The following GRIN2A variants were observed in gnomAD, a reference collection of about 807,000 sequenced individuals.
GRIN2A encodes the protein glutamate ionotropic receptor NMDA type subunit 2A, also known as glutamate receptor ionotropic, NMDA 2A.
Under a neutral mutation model 113.4 loss-of-function variants are expected in GRIN2A, and 22 were observed. The ratio of observed to expected loss-of-function variants is 0.19; its 90% CI spans 0.14 to 0.28. GRIN2A has a LOEUF of 0.28. GRIN2A is among the 10% of genes least tolerant of loss of function. GRIN2A has a pLI of 1.00. For missense variants in GRIN2A, 1,502 were observed against 1,887.0 expected (o/e 0.80, Z 3.78); for synonymous variants, 827 against 738.4 (o/e 1.12, Z -1.94).
chr16:10,056,146 T>G (rs941411026), intron 2 of GRIN2A, among the ~76,000 whole-genome samples: 14 of 152,234 alleles, frequency 9.2e-5, no homozygotes, highest in Non-Finnish European at 1.5e-4. Context: ...CTAAATGCAG[T>G]GTCATACTAA....
intron 2 of GRIN2A, among the ~76,000 whole-genome samples, chr16:10,047,399 C>T (rs1017247122): frequency 2.0e-5 from 3 of 152,164 alleles, no homozygotes; most frequent in African/African-American, 4.8e-5. Flanking sequence ...TGCAAAACAC[C>T]TAACAAAGTG....
chr16:10,168,244 GC>G, intron 2 of GRIN2A, among the ~76,000 whole-genome samples: 1 of 152,272 alleles, frequency 6.6e-6, no homozygotes, highest in African/African-American at 2.4e-5. Flanking sequence ...TAGGTTGTCT[GC>G]TTTTCAAATA....
At chr16:10,144,689 C>T (rs183745772) in intron 2 of GRIN2A, among the ~76,000 whole-genome samples, 13 of 152,028 alleles carry the variant, frequency 8.6e-5, no homozygotes, top group East Asian at 1.9e-4. Flanking sequence ...AGCCAAGATA[C>T]GGAAATAACC....
intron 2 of GRIN2A, among the ~76,000 whole-genome samples, chr16:9,968,987 T>C (rs1402009128): frequency 6.6e-6 from 1 of 152,186 alleles, no homozygotes; most frequent in Admixed American, 6.5e-5. Flanking sequence ...CACTATATTA[T>C]CATTTTAATG....
At chr16:10,032,051 C>T (rs2141928121) in intron 2 of GRIN2A, among the ~76,000 whole-genome samples, 1 of 152,346 alleles carries the variant, frequency 6.6e-6, no homozygotes, top group African/African-American at 2.4e-5. Context: ...TATTACAGCG[C>T]ATCGTATTTA....
rs2044849852 is a variant in GRIN2A at position 9,940,659 on chromosome 16, T to A, written c.415-2108A>T. ...AAATGGAAAGAATGGGAATTCAGTATCTGAGATTGTATTTTGTGTGGATTC... is the reference window on the plus strand; with the variant it reads ...AAATGGAAAGAATGGGAATTCAGTAACTGAGATTGTATTTTGTGTGGATTC... On this transcript the variant is annotated intron_variant, in intron 2 of 12. Transcript: ENST00000330684. Among the ~76,000 whole-genome samples the A allele has an allele frequency of 2.6e-5, 4 of 152,182 alleles. No homozygotes were observed. The South Asian group carries it at 8.3e-4, about 32-fold the overall frequency.
At chr16:9,765,728 T>C (rs143395230) in intron 12 of GRIN2A, among the ~76,000 whole-genome samples, 5 of 152,324 alleles carry the variant, frequency 3.3e-5, no homozygotes, top group African/African-American at 1.2e-4. Context: ...CTTAATCGAC[T>C]CAATCTATTC....
chr16:10,144,310 C>T (rs2049387104), intron 2 of GRIN2A, among the ~76,000 whole-genome samples: 1 of 152,186 alleles, frequency 6.6e-6, no homozygotes, highest in Non-Finnish European at 1.5e-5. Context: ...TCCTTGCCAA[C>T]ACTTGTTATC....
chr16:10,077,103 C>G lies in GRIN2A; in HGVS notation c.414+102895G>C, dbSNP rs573188704. On this transcript the variant is annotated intron_variant, in intron 2 of 12. Coordinates refer to ENST00000330684, the MANE Select transcript of GRIN2A (RefSeq NM_001134407.3). ...TTGCTGGCACTGGAGATGGAGGAAG[C>G]GACCACAAGCCAAAGGGTACAGGCA... Among the ~76,000 whole-genome samples, 11 of 152,194 alleles carry G rather than the reference C, an allele frequency of 7.2e-5. No individual in the cohort carries two copies. The South Asian group carries it at 1.2e-3, about 17-fold the overall frequency.
At chr16:9,795,207 A>G (rs767593296) in intron 11 of GRIN2A, among the ~76,000 whole-genome samples, 19 of 152,354 alleles carry the variant, frequency 1.2e-4, no homozygotes, top group Non-Finnish European at 2.6e-4. Flanking sequence ...CAAAAGATAT[A>G]GATCATAAAG....
At chr16:9,985,302 T>C (rs940318782) in intron 2 of GRIN2A, among the ~76,000 whole-genome samples, 4 of 152,336 alleles carry the variant, frequency 2.6e-5, no homozygotes, top group African/African-American at 7.2e-5. Context: ...TTTTAATTTA[T>C]TATTTTGGTT....
intron 4 of GRIN2A, among the ~76,000 whole-genome samples, chr16:9,861,913 A>G (rs2043075417): frequency 6.6e-6 from 1 of 152,194 alleles, no homozygotes; most frequent in Non-Finnish European, 1.5e-5. Context: ...TTTAAATGCA[A>G]CGATTGGAGG....
Position 10,058,456 on chromosome 16 carries a change from T to C in GRIN2A, c.415-119905A>G, listed in dbSNP as rs142642152. On this transcript the variant is annotated intron_variant, in intron 2 of 12. Coordinates refer to ENST00000330684, the MANE Select transcript of GRIN2A (RefSeq NM_001134407.3). ...TCTGTGCTGTGTCTACTAACTACAA[T>C]GATTTCAAAATAATTTGGCAAAAGT... Among the ~76,000 whole-genome samples the C allele has an allele frequency of 6.1e-3, 926 of 152,328 alleles. 12 individuals are homozygous for C. The highest frequency in any genetic ancestry group is 0.021 in the African/African-American group (859 of 41,560).
chr16:9,913,582 A>G (rs896351117), intron 3 of GRIN2A, among the ~76,000 whole-genome samples: 5 of 152,226 alleles, frequency 3.3e-5, no homozygotes, highest in African/African-American at 1.2e-4. Flanking sequence ...AACATAAGTT[A>G]TCGCATTTTA....
intron 2 of GRIN2A, among the ~76,000 whole-genome samples, chr16:10,095,497 C>T (rs1318621911): frequency 6.6e-6 from 1 of 152,080 alleles, no homozygotes; most frequent in East Asian, 1.9e-4. Context: ...TATAGCAGAA[C>T]ACTAGTAAAG....
Position 10,109,920 on chromosome 16 carries a change from C to A in GRIN2A, c.414+70078G>T, listed in dbSNP as rs906688579. 2.0e-5 allele frequency among the ~76,000 whole-genome samples: 3 copies of A among 151,622 alleles called. No homozygotes were observed. In the South Asian group the frequency reaches 6.3e-4, roughly 32 times the overall value. On this transcript the variant is annotated intron_variant, in intron 2 of 12. Transcript: ENST00000330684. ...TTTTTTTAATTTTATTATTATTATACTTTAAGTTTTAGGGTACATGTGCAC... is the reference window on the plus strand; with the variant it reads ...TTTTTTTAATTTTATTATTATTATAATTTAAGTTTTAGGGTACATGTGCAC...
chr16:9,955,483 A>G (rs1316902797), intron 2 of GRIN2A, among the ~76,000 whole-genome samples: 1 of 152,238 alleles, frequency 6.6e-6, no homozygotes, highest in Non-Finnish European at 1.5e-5. Flanking sequence ...GGTTAGTGCA[A>G]AAGTAAATTA....
rs150292506 is a variant in GRIN2A, at chr16:10,090,786, C to T, written c.414+89212G>A. Among the ~76,000 whole-genome samples the T allele has an allele frequency of 4.6e-5, 7 of 152,196 alleles. No homozygotes were observed. In the East Asian group the frequency reaches 1.2e-3, roughly 25 times the overall value. On this transcript the variant is annotated intron_variant, in intron 2 of 12. Transcript: ENST00000330684. ...TAGGAGAAAACATTTGCAAATCATA[C>T]ATATGATAAAGAACTGTATCAAAAA...
In GRIN2A at chr16:9,758,910, T is replaced by C. The variant is rs1900465657; in HGVS notation, c.*4239A>G. On this transcript the variant is annotated 3_prime_UTR_variant, in exon 13 of 13. Transcript: ENST00000330684. ...GTACTTTTGGAAGGAAAATTGCCTTTACATAGAACCCTTCACTCATTAAAT... is the reference window on the plus strand; with the variant it reads ...GTACTTTTGGAAGGAAAATTGCCTTCACATAGAACCCTTCACTCATTAAAT... The C allele has an allele frequency of 4.5e-6, 1 of 220,740 alleles. No individual in the cohort carries two copies. The allele number at this position is 220,740 out of a possible 1,614,324, so 13.7% of individuals were successfully genotyped here. A position where few individuals can be genotyped will look rare whatever the true frequency, so the allele number is the denominator to read the frequency against.
Sources: allele counts gnomAD v4.1 joint callset (sites outside exome capture counted in the v4.1 genomes callset), GRCh38; gene constraint gnomAD v4.1.1; transcripts MANE v1.5; gene names NCBI Gene and HGNC (gene_info 2026-07-23, HGNC 2026-07-21).